EXOSC1: variants seen among roughly 807,000 people sequenced by gnomAD.
EXOSC1 encodes the protein exosome component 1, also known as exosome complex component CSL4.
Under a neutral mutation model 31.4 loss-of-function variants are expected in EXOSC1, and 27 were observed. The observed-to-expected ratio is 0.86, with a 90% CI of 0.63 to 1.18. The LOEUF is 1.18. Ranked by LOEUF, EXOSC1 falls within the 50% of genes most tolerant of loss-of-function variation. EXOSC1 has a pLI of 0.00. For missense variants in EXOSC1, 228 were observed against 250.3 expected, an observed-to-expected ratio of 0.91 and a Z score of 0.60; for synonymous variants, 84 against 89.5, an observed-to-expected ratio of 0.94 and a Z score of 0.35.
At chr10:97,441,656 A>G (rs1210654080) in intron 3 of EXOSC1, among the ~76,000 whole-genome samples, 1 of 151,282 alleles carries the variant, frequency 6.6e-6, no homozygotes, top group Non-Finnish European at 1.5e-5. Context: ...ATGCCCAGCT[A>G]ATTTTGTATT....
intron 4 of EXOSC1, 24 bp from the exon 5 acceptor site, chr10:97,438,727 A>G: frequency 1.3e-6 from 2 of 1,553,490 alleles, no homozygotes; most frequent in South Asian, 1.1e-5. Flanking sequence ...ATTAACAGAA[A>G]GATTAATTAC....
intron 5 of EXOSC1, 85 bp from the exon 6 acceptor site, chr10:97,437,835 A>C (rs1461413352): frequency 1.8e-6 from 2 of 1,106,954 alleles, no homozygotes; most frequent in African/African-American, 3.1e-5. Flanking sequence ...AAGCCAATCT[A>C]CTTTCTAATC....
Position 97,436,581 on chromosome 10 carries a change from A to G in EXOSC1, c.482-30T>C, listed in dbSNP as rs1680846958. The G allele has an allele frequency of 1.9e-6, 3 of 1,555,538 alleles. No homozygotes were observed. The African/African-American group carries it at 4.2e-5, about 22-fold the overall frequency. ...AAGGGAAAAGCTGGTGGTGGAGCCC[A>G]GACCCCAAAGATTTGCCTGCGACTC... On this transcript the variant is annotated intron_variant, in intron 7 of 7. Coordinates refer to ENST00000370902, the MANE Select transcript of EXOSC1 (RefSeq NM_016046.5).
intron 3 of EXOSC1, 48 bp from the exon 4 acceptor site, chr10:97,441,307 C>T: frequency 6.5e-7 from 1 of 1,533,400 alleles, no homozygotes; most frequent in Non-Finnish European, 9.0e-7. Flanking sequence ...CAGTTGTCAG[C>T]TCAAGGAGGC....
intron 6 of EXOSC1, 79 bp from the exon 7 acceptor site, chr10:97,437,354 C>CA: frequency 8.5e-7 from 1 of 1,177,810 alleles, no homozygotes; most frequent in Non-Finnish European, 1.2e-6. Context: ...TGTTTTTCTA[C>CA]CTTTTTTTTT....
At chr10:97,437,049 G>GA in intron 7 of EXOSC1, 142 bp downstream of exon 7, 3 of 822,998 alleles carry the variant, frequency 3.6e-6, no homozygotes, top group Non-Finnish European at 5.9e-6. Flanking sequence ...AAGCAAAAAA[G>GA]AAAAAAATAA....
chr10:97,435,948 C>G lies in EXOSC1; in HGVS notation c.*497G>C. On this transcript the variant is annotated 3_prime_UTR_variant, in exon 8 of 8. Transcript: ENST00000370902. The stretch of plus-strand genomic sequence containing the variant: ...GATTTACAAACATGAGCCACCATGC[C>G]TGCCTCACATGCTATCTGTATCACC... Among the ~76,000 whole-genome samples, 1 of 152,198 alleles carries G rather than the reference C, an allele frequency of 6.6e-6. No individual in the cohort carries two copies. The highest frequency in any genetic ancestry group is 1.5e-5 in the Non-Finnish European group (1 of 68,036).
intron 4 of EXOSC1, among the ~76,000 whole-genome samples, chr10:97,440,006 CT>C (rs1181173707): frequency 7.1e-6 from 1 of 141,484 alleles, no homozygotes; most frequent in Admixed American, 7.4e-5. Context: ...GAGTTTCACT[CT>C]TGTTGCCCAG....
At chr10:97,437,362 T>C (rs1451815713) in intron 6 of EXOSC1, 87 bp from the exon 7 acceptor site, 1 of 1,050,578 alleles carries the variant, frequency 9.5e-7, no homozygotes, top group Non-Finnish European at 1.5e-6. Flanking sequence ...TACCTTTTTT[T>C]TTTTCTGAGA....
At chr10:97,436,585 C>T in intron 7 of EXOSC1, 34 bp from the exon 8 acceptor site, 1 of 1,552,754 alleles carries the variant, frequency 6.4e-7, no homozygotes, top group Non-Finnish European at 8.6e-7. Flanking sequence ...GAGCCCAGAC[C>T]CCAAAGATTT....
intron 4 of EXOSC1, among the ~76,000 whole-genome samples, chr10:97,440,376 TCTCA>T (rs1376516635): frequency 6.6e-6 from 1 of 152,170 alleles, no homozygotes; most frequent in Admixed American, 6.5e-5. Context: ...TGAGACAGGG[TCTCA>T]CTCTGTTGCC....
chr10:97,443,096 A>G, intron 3 of EXOSC1, 141 bp downstream of exon 3: 1 of 709,742 alleles, frequency 1.4e-6, no homozygotes, highest in Non-Finnish European at 2.4e-6. Context: ...AAGTGCTAGA[A>G]TTACCAGTGT....
At chr10:97,443,665 G>C (rs1439408722) in intron 2 of EXOSC1, 1 of 176,372 alleles carries the variant, frequency 5.7e-6, no homozygotes, top group African/African-American at 2.4e-5. Flanking sequence ...TGGGACTACA[G>C]GCACCCGCCA....
Position 97,445,538 on chromosome 10 carries a change from C to T in EXOSC1, c.147+194G>A. The T allele has an allele frequency of 5.1e-6, 3 of 584,976 alleles. No homozygotes were observed. In the South Asian group the frequency reaches 6.3e-5, roughly 12 times the overall value. The allele number at this position is 584,976 out of a possible 1,614,324, so 36.2% of individuals were successfully genotyped here. On this transcript the variant is annotated intron_variant, in intron 2 of 7. Coordinates refer to ENST00000370902, the MANE Select transcript of EXOSC1 (RefSeq NM_016046.5). ...CCCTCCCCGAGGGTCAGCAGCACAA[C>T]CAAGCGAGATCAACACAACTAGTGT...
In EXOSC1 at chr10:97,436,341, G is replaced by C. The variant is rs1845533633; in HGVS notation, c.*104C>G. 1.3e-6 allele frequency: 1 copy of C among 799,336 alleles called. No individual in the cohort carries two copies. The allele number at this position is 799,336 out of a possible 1,614,324, so 49.5% of individuals were successfully genotyped here. On this transcript the variant is annotated 3_prime_UTR_variant, in exon 8 of 8. Transcript: ENST00000370902. Reference sequence around the variant, plus strand: ...CAGCGTAAACTGGAAGATTTTTCTGGAAGTGGCTGTTGGCCGACGCCAGGT... The same window carrying C: ...CAGCGTAAACTGGAAGATTTTTCTGCAAGTGGCTGTTGGCCGACGCCAGGT...
chr10:97,437,408 T>C (rs1845574254), intron 6 of EXOSC1, 133 bp from the exon 7 acceptor site: 1 of 694,668 alleles, frequency 1.4e-6, no homozygotes, highest in East Asian at 2.6e-5. Context: ...TGGAGTGCGG[T>C]GGCGTGATAT....
At chr10:97,439,356 C>T (rs924284258) in intron 4 of EXOSC1, among the ~76,000 whole-genome samples, 1 of 152,178 alleles carries the variant, frequency 6.6e-6, no homozygotes, top group African/African-American at 2.4e-5. Flanking sequence ...CAAGCTTCAT[C>T]TGTATTTACA....
In EXOSC1 at chr10:97,437,644, G is replaced by A. The variant is rs374028079; in HGVS notation, c.396+56C>T. On this transcript the variant is annotated intron_variant, in intron 6 of 7. Coordinates refer to ENST00000370902, the MANE Select transcript of EXOSC1 (RefSeq NM_016046.5). ...ATTACAGGCATGAGCCACCACACCC[G>A]GCCTCCTTCTCTTCTTTTGACAAAG... 3.2e-4 allele frequency: 498 copies of A among 1,546,680 alleles called. 3 individuals carry two copies. The African/African-American group carries it at 5.3e-3, about 16-fold the overall frequency.
At position 97,437,076 on chromosome 10, in the gene EXOSC1, G is replaced by A. The variant is rs375021413; in HGVS notation, c.481+115C>T. 4.2e-4 allele frequency: 383 copies of A among 901,508 alleles called. 1 individual carries two copies. In the African/African-American group the frequency reaches 5.3e-3, roughly 12 times the overall value. 55.8% of individuals were successfully genotyped at this position (901,508 alleles called of 1,614,324 possible). A position where few individuals can be genotyped will look rare whatever the true frequency, so the allele number is the denominator to read the frequency against. ...AAAAAATAATCATTCTAATCTCAGA[G>A]GGAAATATCTATAGCCATACTGCTT... On this transcript the variant is annotated intron_variant, in intron 7 of 7. Transcript: ENST00000370902.
Sources: allele counts gnomAD v4.1 joint callset (sites outside exome capture counted in the v4.1 genomes callset), GRCh38; gene constraint gnomAD v4.1.1; transcripts MANE v1.5; gene names NCBI Gene and HGNC (gene_info 2026-07-23, HGNC 2026-07-21).